The following PTPRM variants were observed in gnomAD, a reference collection of about 807,000 sequenced individuals.
PTPRM encodes receptor-type tyrosine-protein phosphatase mu.
Under a neutral mutation model 186.7 loss-of-function variants are expected in PTPRM, and 47 were observed. The ratio of observed to expected loss-of-function variants is 0.25; its 90% CI spans 0.20 to 0.32. PTPRM has a LOEUF of 0.32. PTPRM is among the 10% of genes least tolerant of loss of function. The pLI is 1.00. For missense variants in PTPRM, 1,494 were observed against 1,865.0 expected (o/e 0.80, Z 3.66); for synonymous variants, 668 against 674.9 (o/e 0.99, Z 0.16).
At chr18:8,111,436 C>T (rs1196476187) in intron 11 of PTPRM, among the ~76,000 whole-genome samples, 4 of 151,964 alleles carry the variant, frequency 2.6e-5, no homozygotes, top group East Asian at 1.9e-4. Context: ...GGTGAAACCC[C>T]GTCTCTACTA....
chr18:7,614,389 A>G (rs1238456485), intron 1 of PTPRM, among the ~76,000 whole-genome samples: 1 of 152,216 alleles, frequency 6.6e-6, no homozygotes, highest in East Asian at 1.9e-4. Context: ...CATCATTTAG[A>G]AGCTAAGGAA....
intron 13 of PTPRM, among the ~76,000 whole-genome samples, chr18:8,133,270 C>T (rs2092557907): frequency 6.6e-6 from 1 of 152,150 alleles, no homozygotes; most frequent in African/African-American, 2.4e-5. Context: ...ACAGTAGACT[C>T]TCATCTGTCA....
intron 9 of PTPRM, among the ~76,000 whole-genome samples, chr18:8,082,032 C>A (rs1001403783): frequency 6.6e-6 from 1 of 152,038 alleles, no homozygotes. Context: ...CTTAGTAAAG[C>A]GTTTGCTTGA....
At chr18:7,666,737 A>G (rs1386580033) in intron 1 of PTPRM, among the ~76,000 whole-genome samples, 1 of 152,080 alleles carries the variant, frequency 6.6e-6, no homozygotes, top group Non-Finnish European at 1.5e-5. Context: ...TTCAAGCAAC[A>G]TTTTTCCCAC....
At chr18:7,913,857 G>C (rs2146644117) in intron 4 of PTPRM, among the ~76,000 whole-genome samples, 1 of 152,164 alleles carries the variant, frequency 6.6e-6, no homozygotes, top group African/African-American at 2.4e-5. Flanking sequence ...CTAAACCCAT[G>C]TGCTGTATAT....
At chr18:7,805,782 G>T (rs2044204564) in intron 2 of PTPRM, among the ~76,000 whole-genome samples, 1 of 152,210 alleles carries the variant, frequency 6.6e-6, no homozygotes, top group Non-Finnish European at 1.5e-5. Context: ...TGATAAAAGG[G>T]AGTTTTGAGG....
intron 19 of PTPRM, among the ~76,000 whole-genome samples, chr18:8,265,978 G>A (rs892557067): frequency 6.6e-6 from 1 of 152,046 alleles, no homozygotes; most frequent in Non-Finnish European, 1.5e-5. Context: ...TGGCCATCAC[G>A]TATGATCCAC....
chr18:7,803,134 G>GT (rs1377446079), intron 2 of PTPRM, among the ~76,000 whole-genome samples: 1 of 152,122 alleles, frequency 6.6e-6, no homozygotes, highest in Non-Finnish European at 1.5e-5. Context: ...GGTTATTGCT[G>GT]TTGTAACAAG....
chr18:7,589,311 C>A (rs1030619245), intron 1 of PTPRM, among the ~76,000 whole-genome samples: 4 of 152,160 alleles, frequency 2.6e-5, no homozygotes, highest in African/African-American at 9.7e-5. Context: ...TTTCTTTTGG[C>A]AGCTATGAGG....
rs1484682892 is a variant in PTPRM at position 7,855,855 on chromosome 18, A to G, written c.197-32251A>G. Among the ~76,000 whole-genome samples, 5 of 152,220 alleles carry G rather than the reference A, an allele frequency of 3.3e-5. No individual in the cohort carries two copies. In the South Asian group the frequency reaches 8.3e-4, roughly 25 times the overall value. ...CAGAGTAAGGAGAATTAATGGCATA[A>G]TTCAGATGTTTGACGTTGTCAGGAA... On this transcript the variant is annotated intron_variant, in intron 2 of 32. Transcript: ENST00000580170.
chr18:8,385,129 T>TG (rs1378698893), intron 30 of PTPRM, among the ~76,000 whole-genome samples: 2 of 152,130 alleles, frequency 1.3e-5, no homozygotes, highest in African/African-American at 2.4e-5. Flanking sequence ...GCAGGCCAGG[T>TG]GACCAGACAT....
intron 22 of PTPRM, among the ~76,000 whole-genome samples, chr18:8,341,313 T>C (rs1399408249): frequency 6.6e-6 from 1 of 152,200 alleles, no homozygotes; most frequent in East Asian, 1.9e-4. Flanking sequence ...CATACAGACT[T>C]ACCATCCATT....
intron 2 of PTPRM, among the ~76,000 whole-genome samples, chr18:7,802,646 A>G (rs960838741): frequency 1.3e-5 from 2 of 152,234 alleles, no homozygotes; most frequent in African/African-American, 4.8e-5. Flanking sequence ...AGACTCCTAG[A>G]TAAATCTGAA....
At chr18:8,394,743 T>A in intron 32 of PTPRM, 132 bp downstream of exon 32, 1 of 987,680 alleles carries the variant, frequency 1.0e-6, no homozygotes, top group Non-Finnish European at 1.4e-6. Flanking sequence ...GTAATCACTT[T>A]GCTTGTAGGG....
chr18:7,805,251 C>G (rs1428939866), intron 2 of PTPRM, among the ~76,000 whole-genome samples: 1 of 152,184 alleles, frequency 6.6e-6, no homozygotes, highest in Non-Finnish European at 1.5e-5. Flanking sequence ...AACTTAACAT[C>G]TCTTAAACCG....
intron 23 of PTPRM, among the ~76,000 whole-genome samples, chr18:8,356,207 GAAGCTTAGCTCTGCAGGGAA>G (rs67768468): frequency 0.27 from 41,293 of 151,938 alleles, 5,664 homozygotes; most frequent in East Asian, 0.36. Context: ...GGACTTGACA[GAAGCTTAGCTCTGCAGGGAA>G]AAGAGAGGAG....
chr18:7,699,899 G>A (rs895890824), intron 1 of PTPRM, among the ~76,000 whole-genome samples: 6 of 152,072 alleles, frequency 3.9e-5, no homozygotes, highest in African/African-American at 1.4e-4. Flanking sequence ...GTATGAGGTA[G>A]GATCAAGCTG....
At chr18:7,825,692 G>T (rs549882247) in intron 2 of PTPRM, among the ~76,000 whole-genome samples, 1 of 152,226 alleles carries the variant, frequency 6.6e-6, no homozygotes, top group South Asian at 2.1e-4. Flanking sequence ...CCATCCCCTA[G>T]AAGTAAGCAC....
intron 14 of PTPRM, among the ~76,000 whole-genome samples, chr18:8,166,992 C>A (rs2093333372): frequency 6.6e-6 from 1 of 152,198 alleles, no homozygotes; most frequent in Non-Finnish European, 1.5e-5. Flanking sequence ...TCCCTTCACC[C>A]AGTTAATAAA....
Sources: gnomAD v4.1 joint callset for allele counts (sites outside exome capture counted in the v4.1 genomes callset) on GRCh38, gnomAD v4.1.1 for gene constraint, MANE v1.5 for transcripts, NCBI Gene and HGNC (gene_info 2026-07-23, HGNC 2026-07-21) for gene names.